Variants in MRTFB observed in about 807,000 individuals in gnomAD.
MRTFB encodes the protein myocardin-related transcription factor B.
A neutral mutation model predicts 104.2 loss-of-function variants in MRTFB; 29 were observed. The ratio of observed to expected loss-of-function variants is 0.28; its 90% confidence interval spans 0.21 to 0.38. The LOEUF (loss-of-function observed/expected upper bound fraction) is 0.38. Ranked by LOEUF, MRTFB falls within the 10% of genes least tolerant of loss-of-function variation. The pLI is 1.00. For missense variants in MRTFB, 1,270 were observed against 1,341.6 expected (o/e 0.95, Z 0.83); for synonymous variants, 535 against 519.5 (o/e 1.03, Z -0.41).
the MRTFB span, among the ~76,000 whole-genome samples, chr16:14,019,814 C>G: frequency 6.9e-6 from 1 of 144,832 alleles, no homozygotes; most frequent in South Asian, 2.4e-4. Context: ...CAAATTCCCT[C>G]AGCTATTATA....
At chr16:14,198,104 T>C (rs1448003278) in intron 3 of MRTFB, among the ~76,000 whole-genome samples, 1 of 152,254 alleles carries the variant, frequency 6.6e-6, no homozygotes, top group Admixed American at 6.5e-5. Context: ...CTTTTATATC[T>C]GACTTCTTTT....
At chr16:14,087,907 T>C (rs1476935656) in intron 2 of MRTFB, among the ~76,000 whole-genome samples, 1 of 152,226 alleles carries the variant, frequency 6.6e-6, no homozygotes, top group Non-Finnish European at 1.5e-5. Context: ...TTCCCTCTAA[T>C]AGTAAGTGTT....
At chr16:14,228,916 G>T (rs1258467207) in intron 8 of MRTFB, among the ~76,000 whole-genome samples, 1 of 152,098 alleles carries the variant, frequency 6.6e-6, no homozygotes, top group Non-Finnish European at 1.5e-5. Context: ...GGGGGTGAGG[G>T]GAATGTGGAA....
intron 2 of MRTFB, among the ~76,000 whole-genome samples, chr16:14,128,854 T>C (rs2037295240): frequency 6.6e-6 from 1 of 152,192 alleles, no homozygotes. Flanking sequence ...TGGCATAAGT[T>C]CTAGGTTTTG....
chr16:14,152,285 G>A (rs546640549), intron 3 of MRTFB: 2 of 151,446 alleles, frequency 1.3e-5, no homozygotes, highest in Non-Finnish European at 2.9e-5. Context: ...AATTATCTTT[G>A]TATAAACAAG....
rs748158192 is a variant in MRTFB at position 14,261,443 on chromosome 16, A to C, written c.3299A>C (p.Ter1100SerextTer7). The C allele has an allele frequency of 1.3e-6, 2 of 1,580,532 alleles. No homozygotes were observed. ...DPQDLPLPWD* is the reference protein window; with the variant it reads ...DPQDLPLPWDS ...CAGGACCTACCGCTGCCATGGGACT[A>C]ACGTCACAGATTTCTTTTCTGAGAG... Residue 1100 changes from the stop codon to serine, a stop_lost, in exon 17 of 17, where the codon TAA (stop) becomes TCA (serine). Transcript: ENST00000571589.
In MRTFB at chr16:14,246,589, T is replaced by TG. The variant is rs774495104; in HGVS notation, c.1334dup (p.Ile446HisfsTer13). On this transcript the variant is annotated frameshift_variant, in exon 12 of 17. Coordinates refer to ENST00000571589, the MANE Select transcript of MRTFB (RefSeq NM_001308142.2). LOFTEE classifies it high-confidence loss of function. Reference sequence around the variant, plus strand: ...AAGTGAACAGCAGCGGCCTTGCTGCTGGGGGCATCGTGGCAGTGTCATCAT... The same window carrying TG: ...AAGTGAACAGCAGCGGCCTTGCTGCTGGGGGGCATCGTGGCAGTGTCATCAT... The TG allele has an allele frequency of 6.2e-7, 1 of 1,614,130 alleles. No individual in the cohort carries two copies. The highest frequency in any genetic ancestry group is 8.5e-7 in the Non-Finnish European group (1 of 1,180,020).
the MRTFB span, among the ~76,000 whole-genome samples, chr16:14,022,662 A>T: frequency 1.3e-5 from 2 of 151,904 alleles, no homozygotes; most frequent in African/African-American, 2.4e-5. Flanking sequence ...AAGTGCTGGG[A>T]TTACAGGCAT....
chr16:14,209,437 A>G (rs2041094436), intron 3 of MRTFB, among the ~76,000 whole-genome samples: 2 of 152,164 alleles, frequency 1.3e-5, no homozygotes, highest in South Asian at 4.1e-4. Flanking sequence ...CAAGAAAAAT[A>G]TTTTTCAGAG....
At chr16:14,056,418 A>C in the MRTFB span, among the ~76,000 whole-genome samples, 1 of 152,056 alleles carries the variant, frequency 6.6e-6, no homozygotes, top group Non-Finnish European at 1.5e-5. Context: ...CTTATAATCC[A>C]ATATTACCAT....
In MRTFB at chr16:14,097,012, A is replaced by C. The variant is rs567752451; in HGVS notation, c.-64+17658A>C. Among the ~76,000 whole-genome samples, 6 of 152,308 alleles carry C rather than the reference A, an allele frequency of 3.9e-5. No homozygotes were observed. In the East Asian group the frequency reaches 1.2e-3, roughly 29 times the overall value. On this transcript the variant is annotated intron_variant, in intron 2 of 16. Transcript: ENST00000571589. ...AGTTCTTTAGTCATCATTAGCATTT[A>C]TTATCTTAACTTTGTATTAGAAGAA...
At chr16:14,141,943 A>T (rs2038022336) in intron 3 of MRTFB, 1 of 149,864 alleles carries the variant, frequency 6.7e-6, no homozygotes, top group African/African-American at 2.5e-5. Context: ...GGTTCAAGTG[A>T]TTCTCCTGCC....
chr16:14,083,014 T>C (rs2034502255), intron 2 of MRTFB, among the ~76,000 whole-genome samples: 1 of 152,202 alleles, frequency 6.6e-6, no homozygotes, highest in Non-Finnish European at 1.5e-5. Context: ...CATTTATTTG[T>C]GTCTTCAATT....
At chr16:14,061,156 CA>C in the MRTFB span, among the ~76,000 whole-genome samples, 27 of 149,992 alleles carry the variant, frequency 1.8e-4, no homozygotes, top group Non-Finnish European at 3.1e-4. Flanking sequence ...AAAAAAAAAA[CA>C]AAAAAAAACA....
chr16:14,038,943 G>A, the MRTFB span, among the ~76,000 whole-genome samples: 596 of 152,214 alleles, frequency 3.9e-3, 5 homozygotes, highest in African/African-American at 0.014. Context: ...ACTGAAAGGC[G>A]ACACCCTTTA....
chr16:14,024,742 A>G, the MRTFB span, among the ~76,000 whole-genome samples: 1 of 152,186 alleles, frequency 6.6e-6, no homozygotes, highest in South Asian at 2.1e-4. Flanking sequence ...TTCTATCTCT[A>G]TTTTTTAATT....
intron 2 of MRTFB, among the ~76,000 whole-genome samples, chr16:14,080,738 T>A (rs934588918): frequency 3.4e-4 from 51 of 152,212 alleles, no homozygotes; most frequent in Admixed American, 1.5e-3. Flanking sequence ...ATTCCTTATA[T>A]GAGTAAGAAC....
rs141253883 is a variant in MRTFB, at chr16:14,261,180, C to T, written c.3036C>T (p.Ile1012=). The change falls in exon 17 of 17, where the codon ATC becomes ATT. Residue 1012 remains isoleucine (I), a synonymous_variant. Coordinates refer to ENST00000571589, the MANE Select transcript of MRTFB (RefSeq NM_001308142.2). The stretch of plus-strand genomic sequence containing the variant: ...AAGACAGAGAGCCCTTCTCTCTGAT[C>T]GAGGACCTCCAGAATGATCTGCTGA... The part of the protein sequence containing the change: ...SSEDREPFSL[I]EDLQNDLLSH... 27 of 1,614,070 alleles carry T rather than the reference C, an allele frequency of 1.7e-5. No individual in the cohort carries two copies. The highest frequency in any genetic ancestry group is 1.6e-4 in the Middle Eastern group (1 of 6,084).
intron 8 of MRTFB, among the ~76,000 whole-genome samples, chr16:14,222,490 A>G (rs1819138825): frequency 6.6e-6 from 1 of 151,762 alleles, no homozygotes; most frequent in Non-Finnish European, 1.5e-5. Context: ...GCCCAAAACA[A>G]TTCTTCTTCC....
Sources: gnomAD v4.1 joint callset for allele counts (sites outside exome capture counted in the v4.1 genomes callset) on GRCh38, gnomAD v4.1.1 for gene constraint, MANE v1.5 for transcripts, NCBI Gene and HGNC (gene_info 2026-07-23, HGNC 2026-07-21) for gene names.